CCNG1: variants seen among roughly 807,000 people sequenced by gnomAD.
CCNG1 encodes the protein cyclin G1.
Under a neutral mutation model 30.0 loss-of-function variants are expected in CCNG1, and 13 were observed. The observed-to-expected ratio is 0.43, with a 90% CI of 0.28 to 0.69. The LOEUF (loss-of-function observed/expected upper bound fraction) is 0.69. Among genes scored for constraint, CCNG1 ranks in the 30% least tolerant of loss-of-function variants. The pLI is 0.16. For synonymous variants in CCNG1, 110 were observed against 121.5 expected, an observed-to-expected ratio of 0.91 and a Z score of 0.62; for missense variants, 285 against 331.4, an observed-to-expected ratio of 0.86 and a Z score of 1.09.
At chr5:163,451,231 T>C in the CCNG1 span, 1 of 152,252 alleles carries the variant, frequency 6.6e-6, no homozygotes, top group African/African-American at 2.4e-5. Context: ...GTGTATATAC[T>C]AAAAGCTACT....
In CCNG1 at chr5:163,439,225, C is replaced by A. The variant is rs751113628; in HGVS notation, c.1-32C>A. On this transcript the variant is annotated intron_variant, in intron 1 of 6. Coordinates refer to ENST00000340828, the MANE Select transcript of CCNG1 (RefSeq NM_004060.4). ...AGGAAAGCAGGAAGGACTACTCTTA[C>A]ACTCCTTGCTGGTCTTTTTTTCTAT... is the stretch of plus-strand genomic sequence containing the variant. 3.8e-6 allele frequency: 6 copies of A among 1,594,546 alleles called. No individual in the cohort carries two copies. The African/African-American group carries it at 8.1e-5, about 21-fold the overall frequency.
At chr5:163,452,148 G>A in the CCNG1 span, 2 of 152,006 alleles carry the variant, frequency 1.3e-5, no homozygotes, top group Non-Finnish European at 2.9e-5. Flanking sequence ...AAATGAAAAT[G>A]AAGCCCATGG....
At chr5:163,438,059 C>A (rs1224276681) in intron 1 of CCNG1, among the ~76,000 whole-genome samples, 1 of 152,114 alleles carries the variant, frequency 6.6e-6, no homozygotes, top group Non-Finnish European at 1.5e-5. Flanking sequence ...GTTAGAGGTT[C>A]CTCACATGAC....
At chr5:163,445,925 G>C (rs2113389521), downstream of CCNG1, 1 of 152,144 alleles carries the variant, frequency 6.6e-6, no homozygotes, top group Non-Finnish European at 1.5e-5. Flanking sequence ...TTGAAGTTTT[G>C]TGCCAGCCTT....
downstream of CCNG1, chr5:163,447,602 T>C (rs927618520): frequency 1.9e-4 from 29 of 152,156 alleles, no homozygotes; most frequent in African/African-American, 5.8e-4. Flanking sequence ...ATAATACTAA[T>C]AACCAGCTAG....
rs749398316 is a variant in CCNG1 at position 163,442,060 on chromosome 5, T to C, written c.613T>C (p.Leu205=). 4.3e-6 allele frequency: 7 copies of C among 1,612,036 alleles called. No individual in the cohort carries two copies. The Admixed American group carries it at 8.3e-5, about 19-fold the overall frequency. Reference sequence around the variant, plus strand: ...TCTCTTTTAGCCTTCTGTGTTGGCATTGTCTATCATTGCATTAGAGATCCA... The same window carrying C: ...TCTCTTTTAGCCTTCTGTGTTGGCACTGTCTATCATTGCATTAGAGATCCA... The part of the protein sequence containing the change: ...FSKAKPSVLA[L]SIIALEIQAQ... Residue 205 remains leucine, a synonymous_variant, in exon 5 of 7, where the codon TTG becomes CTG. Transcript: ENST00000340828.
In CCNG1 at chr5:163,439,432, TTCTTAG is replaced by T; in HGVS notation, c.180_185del (p.Ser61_Leu62del). The T allele has an allele frequency of 6.2e-7, 1 of 1,613,570 alleles. No homozygotes were observed. The stretch of plus-strand genomic sequence containing the variant: ...CTAAGGGACTTTGAAGTAAAAGATC[TTCTTAG>T]TCTAACTCAGTTCTTTGGCTTTGAC... On this transcript the variant is annotated inframe_deletion, in exon 2 of 7. Coordinates refer to ENST00000340828, the MANE Select transcript of CCNG1 (RefSeq NM_004060.4).
rs145299150 is a variant in CCNG1 at position 163,439,345 on chromosome 5, A to G, written c.89A>G (p.Lys30Arg). The part of the protein sequence containing the change: ...LLEQESRCQP[K>R]VCGLRLIESA... ...GAACAGGAGTCTAGATGTCAGCCAA[A>G]GGTCTGTGGTTTGAGACTAATTGAG... The change falls in exon 2 of 7, where the codon AAG becomes AGG. Residue 30 changes from lysine to arginine, a missense_variant. Lys to Arg is a conservative substitution (Grantham distance 26). Transcript: ENST00000340828. 1.3e-4 allele frequency: 215 copies of G among 1,614,050 alleles called. No homozygotes were observed. Among genetic ancestry groups the G allele is most frequent in the Non-Finnish European group, 1.7e-4 (198 of 1,180,006 alleles).
At position 163,439,478 on chromosome 5, in the gene CCNG1, T is replaced by G; in HGVS notation, c.222T>G (p.Ser74=). 2 of 1,614,116 alleles carry G rather than the reference T, an allele frequency of 1.2e-6. No individual in the cohort carries two copies. The highest frequency in any genetic ancestry group is 1.6e-4 in the Middle Eastern group (1 of 6,062). Residue 74 remains serine (S), a synonymous_variant, in exon 2 of 7, where the codon TCT becomes TCG. Coordinates refer to ENST00000340828, the MANE Select transcript of CCNG1 (RefSeq NM_004060.4). The part of the protein sequence containing the change: ...QFFGFDTETF[S]LAVNLLDRFL... ...TTGGCTTTGACACAGAGACATTTTCTCTAGCTGTGAATTTACTGGACAGAT... is the reference window on the plus strand; with the variant it reads ...TTGGCTTTGACACAGAGACATTTTCGCTAGCTGTGAATTTACTGGACAGAT...
At chr5:163,453,416 T>G in the CCNG1 span, 8 of 152,524 alleles carry the variant, frequency 5.2e-5, no homozygotes, top group Middle Eastern at 3.4e-3. Context: ...TTAAACTTCT[T>G]GACATAAAGT....
rs1471707461 is a variant in CCNG1 at position 163,443,673 on chromosome 5, GGAT to G, written c.*4_*6del. 1.1e-5 allele frequency: 16 copies of G among 1,503,396 alleles called. No homozygotes were observed. The highest frequency in any genetic ancestry group is 1.3e-5 in the Non-Finnish European group (14 of 1,118,080). 93.1% of individuals were successfully genotyped at this position (1,503,396 alleles called of 1,614,324 possible). A position where few individuals can be genotyped will look rare whatever the true frequency, so the allele number is the denominator to read the frequency against. On this transcript the variant is annotated splice_region_variant and 3_prime_UTR_variant, in exon 7 of 7. Coordinates refer to ENST00000340828, the MANE Select transcript of CCNG1 (RefSeq NM_004060.4). ...TTTGTTTGTTTTCTTTATTTAAATA[GGAT>G]TATTACAGCACCAAAAAACTTCTCT... is the stretch of plus-strand genomic sequence containing the variant.
chr5:163,445,999 T>C (rs757604588), downstream of CCNG1: 1 of 152,184 alleles, frequency 6.6e-6, no homozygotes, highest in Non-Finnish European at 1.5e-5. Context: ...CCATGTGTTA[T>C]GTTAGCCTGC....
chr5:163,453,875 G>A, the CCNG1 span: 2 of 573,932 alleles, frequency 3.5e-6, no homozygotes, highest in South Asian at 7.1e-5. Flanking sequence ...GTTAACTGTA[G>A]GCATCCGCAT....
chr5:163,457,082 T>TAA, the CCNG1 span: 46 of 1,404,034 alleles, frequency 3.3e-5, no homozygotes, highest in Middle Eastern at 1.9e-4. Flanking sequence ...TTCTGTCCTC[T>TAA]AAAAAAAAAA....
chr5:163,443,242 G>A (rs299321), intron 6 of CCNG1, among the ~76,000 whole-genome samples: 42,019 of 150,862 alleles, frequency 0.28, 6,017 homozygotes, highest in East Asian at 0.48. Flanking sequence ...AACCCGGGAG[G>A]CGGAGTTTGC....
chr5:163,456,897 T>C, the CCNG1 span: 1 of 1,337,550 alleles, frequency 7.5e-7, no homozygotes, highest in South Asian at 1.7e-5. Context: ...ATATATTTAA[T>C]TACACATACT....
intron 1 of CCNG1, 39 bp from the exon 2 acceptor site, chr5:163,439,218 A>G: frequency 6.4e-7 from 1 of 1,572,388 alleles, no homozygotes; most frequent in Non-Finnish European, 8.6e-7. Flanking sequence ...AGGAAGGACT[A>G]CTCTTACACT....
At chr5:163,443,390 G>C (rs1327462273) in intron 6 of CCNG1, among the ~76,000 whole-genome samples, 1 of 151,832 alleles carries the variant, frequency 6.6e-6, no homozygotes, top group Non-Finnish European at 1.5e-5. Flanking sequence ...GCCAGAGTGT[G>C]TCAACACTAT....
the CCNG1 span, among the ~76,000 whole-genome samples, chr5:163,454,772 T>C: frequency 1.7e-4 from 26 of 152,310 alleles, no homozygotes; most frequent in East Asian, 4.6e-3. Flanking sequence ...TGGTGGGCTA[T>C]TTCGTTTATC....
Sources: gnomAD v4.1 joint callset for allele counts (sites outside exome capture counted in the v4.1 genomes callset) on GRCh38, gnomAD v4.1.1 for gene constraint, MANE v1.5 for transcripts, NCBI Gene and HGNC (gene_info 2026-07-23, HGNC 2026-07-21) for gene names.